CAMTA1: variants seen among roughly 807,000 people sequenced by gnomAD.
CAMTA1 encodes calmodulin binding transcription activator 1, also known as calmodulin-binding transcription activator 1.
In CAMTA1, 27 loss-of-function variants were observed where a neutral mutation model predicts 170.9. The ratio of observed to expected loss-of-function variants is 0.16; its 90% CI spans 0.12 to 0.22. The LOEUF (loss-of-function observed/expected upper bound fraction) is 0.22. CAMTA1 is among the 10% of genes least tolerant of loss of function. The pLI is 1.00. For missense variants in CAMTA1, 1,619 were observed against 2,217.2 expected (o/e 0.73, Z 5.42); for synonymous variants, 833 against 891.5 (o/e 0.93, Z 1.17).
At chr1:6,954,604 G>C (rs987087632) in intron 3 of CAMTA1, among the ~76,000 whole-genome samples, 6 of 152,206 alleles carry the variant, frequency 3.9e-5, no homozygotes, top group African/African-American at 1.4e-4. Context: ...TGGGGAGTCT[G>C]CCAATGAGAT....
intron 3 of CAMTA1, among the ~76,000 whole-genome samples, chr1:6,975,924 G>C (rs145699189): frequency 2.0e-5 from 3 of 152,082 alleles, no homozygotes; most frequent in African/African-American, 7.2e-5. Context: ...TTTGGTAACC[G>C]CCTTCTTTCA....
chr1:6,785,602 G>A (rs1190505003), intron 1 of CAMTA1, 27 bp downstream of exon 1: 1 of 1,008,234 alleles, frequency 9.9e-7, no homozygotes, highest in Non-Finnish European at 1.2e-6. Flanking sequence ...GAGGGGCTGG[G>A]GGGCGGCGCG....
intron 3 of CAMTA1, among the ~76,000 whole-genome samples, chr1:6,892,576 C>G (rs1674729010): frequency 6.6e-6 from 1 of 150,606 alleles, no homozygotes; most frequent in Admixed American, 6.6e-5. Flanking sequence ...AATGAGTCTT[C>G]CAAGCAAATT....
chr1:7,707,520 T>C (rs2995033), intron 11 of CAMTA1, among the ~76,000 whole-genome samples: 138,963 of 152,048 alleles, frequency 0.91, 63,653 homozygotes, highest in East Asian at 1. Flanking sequence ...GGACTACAGG[T>C]ACACACCACC....
At position 7,670,923 on chromosome 1, in the gene CAMTA1, G is replaced by T. The variant is rs1253979320; in HGVS notation, c.2665G>T (p.Val889Phe). 6.2e-7 allele frequency: 1 copy of T among 1,613,614 alleles called. No individual in the cohort carries two copies. The highest frequency in any genetic ancestry group is 1.3e-5 in the African/African-American group (1 of 74,930). ...EWSYPEGGVK[V>F]LITGPWQEAS... ...CTGTTCTCTGCAGGGAGGAGTGAAG[G>T]TCCTCATCACAGGCCCGTGGCAAGA... The change falls in exon 10 of 23, where the codon GTC (valine) becomes TTC (phenylalanine). Residue 889 changes from valine (V) to phenylalanine (F), a missense_variant. Transcript: ENST00000303635.
chr1:6,909,742 C>G (rs1451048317), intron 3 of CAMTA1, among the ~76,000 whole-genome samples: 1 of 152,236 alleles, frequency 6.6e-6, no homozygotes, highest in African/African-American at 2.4e-5. Flanking sequence ...GATTCTGTGA[C>G]CTTGAGGATG....
chr1:7,303,250 A>C (rs10489142), intron 5 of CAMTA1, among the ~76,000 whole-genome samples: 1 of 152,132 alleles, frequency 6.6e-6, no homozygotes, highest in Non-Finnish European at 1.5e-5. Flanking sequence ...CTTAAAGAGC[A>C]TGGCTTCAGC....
At chr1:6,996,542 G>A (rs1697278509) in intron 3 of CAMTA1, among the ~76,000 whole-genome samples, 1 of 152,020 alleles carries the variant, frequency 6.6e-6, no homozygotes, top group African/African-American at 2.4e-5. Context: ...TCCTTTTAGG[G>A]AGTTCCCCTT....
intron 6 of CAMTA1, among the ~76,000 whole-genome samples, chr1:7,604,867 G>A (rs1204048078): frequency 1.3e-5 from 2 of 152,112 alleles, no homozygotes; most frequent in Non-Finnish European, 2.9e-5. Flanking sequence ...TGGTGTGGAT[G>A]TCGTTTCTGT....
At chr1:7,446,076 C>T (rs1038742725) in intron 5 of CAMTA1, among the ~76,000 whole-genome samples, 2 of 151,974 alleles carry the variant, frequency 1.3e-5, no homozygotes, top group African/African-American at 4.8e-5. Flanking sequence ...TTTTCCATCC[C>T]GGTGCATCCT....
At chr1:6,968,182 G>T (rs535863463) in intron 3 of CAMTA1, among the ~76,000 whole-genome samples, 2 of 152,124 alleles carry the variant, frequency 1.3e-5, no homozygotes, top group Admixed American at 1.3e-4. Flanking sequence ...TCGGCTGTCC[G>T]CTTGGTGTGC....
intron 6 of CAMTA1, among the ~76,000 whole-genome samples, chr1:7,599,379 C>A (rs2095423854): frequency 6.6e-6 from 1 of 152,176 alleles, no homozygotes; most frequent in South Asian, 2.1e-4. Context: ...AGCGTGATGC[C>A]TCCAGCTATG....
chr1:7,498,317 TGTAAGA>T (rs2093873260), intron 6 of CAMTA1, among the ~76,000 whole-genome samples: 2 of 151,010 alleles, frequency 1.3e-5, no homozygotes, highest in South Asian at 4.2e-4. Context: ...TGGATGTGTG[TGTAAGA>T]GTGAGTGTGG....
At chr1:7,451,971 T>G (rs560827932) in intron 5 of CAMTA1, among the ~76,000 whole-genome samples, 2 of 152,252 alleles carry the variant, frequency 1.3e-5, no homozygotes, top group African/African-American at 4.8e-5. Flanking sequence ...GAAGCTAATA[T>G]GGAGGGGACA....
intron 5 of CAMTA1, among the ~76,000 whole-genome samples, chr1:7,349,529 G>A (rs968988057): frequency 8.5e-5 from 13 of 152,340 alleles, no homozygotes; most frequent in African/African-American, 2.4e-4. Flanking sequence ...ACGGGGCGAC[G>A]TACGCAGCAG....
chr1:7,662,492 A>G (rs2095968764), intron 8 of CAMTA1, among the ~76,000 whole-genome samples: 1 of 152,202 alleles, frequency 6.6e-6, no homozygotes, highest in Non-Finnish European at 1.5e-5. Context: ...TAACAGGATC[A>G]GGGAGAATTT....
intron 20 of CAMTA1, among the ~76,000 whole-genome samples, chr1:7,751,870 C>T (rs905770843): frequency 2.0e-5 from 3 of 152,146 alleles, no homozygotes; most frequent in African/African-American, 7.2e-5. Context: ...TGTTCCTAAT[C>T]CTAATGTAAC....
At chr1:6,937,792 T>TCACCATCAC (rs1245938469) in intron 3 of CAMTA1, among the ~76,000 whole-genome samples, 1 of 73,806 alleles carries the variant, frequency 1.4e-5, no homozygotes, top group Admixed American at 1.8e-4. Context: ...ACCACCACCA[T>TCACCATCAC]CACCATCACC....
At chr1:6,923,365 A>C (rs1178784920) in intron 3 of CAMTA1, among the ~76,000 whole-genome samples, 1 of 152,154 alleles carries the variant, frequency 6.6e-6, no homozygotes. Context: ...ATCTCTTTTC[A>C]ATCCCCATTC....
Sources: gnomAD v4.1 joint callset for allele counts (sites outside exome capture counted in the v4.1 genomes callset) on GRCh38, gnomAD v4.1.1 for gene constraint, MANE v1.5 for transcripts, NCBI Gene and HGNC (gene_info 2026-07-23, HGNC 2026-07-21) for gene names.